The following INTU variants were observed in gnomAD, a reference collection of about 807,000 sequenced individuals.
INTU encodes the protein inturned planar cell polarity protein.
A neutral mutation model predicts 100.5 loss-of-function variants in INTU; 68 were observed. The ratio of observed to expected loss-of-function variants is 0.68; its 90% CI spans 0.56 to 0.83. INTU has a LOEUF of 0.83. Ranked by LOEUF, INTU falls within the 40% of genes least tolerant of loss-of-function variation. INTU has a pLI of 0.00. For missense variants in INTU, 1,071 were observed against 1,114.7 expected, an observed-to-expected ratio of 0.96 and a Z score of 0.56; for synonymous variants, 357 against 395.7, an observed-to-expected ratio of 0.90 and a Z score of 1.16.
At chr4:127,677,094 G>A (rs59214791) in intron 6 of INTU, among the ~76,000 whole-genome samples, 4,859 of 152,252 alleles carry the variant, frequency 0.032, 268 homozygotes, top group African/African-American at 0.11. Context: ...GAAAGCAGCC[G>A]GGAAGCTCGA....
Position 127,643,586 on chromosome 4 carries a change from G to A in INTU, c.212G>A (p.Ser71Asn), listed in dbSNP as rs537026447. ...KNGELFYLEL[S>N]EDEEESLLPE... ...GGAGAGCTGTTTTATTTGGAATTGA[G>A]TGAGGATGAAGAAGAAAGCCTCCTT... is the stretch of plus-strand genomic sequence containing the variant. Residue 71 changes from serine to asparagine, a missense_variant, in exon 2 of 16, where the codon AGT (serine) becomes AAT (asparagine). Coordinates refer to ENST00000335251, the MANE Select transcript of INTU (RefSeq NM_015693.4). The A allele has an allele frequency of 5.6e-6, 9 of 1,612,886 alleles. No homozygotes were observed. Among genetic ancestry groups the A allele is most frequent in the African/African-American group, 1.3e-5 (1 of 74,884 alleles).
chr4:127,651,878 A>G (rs1189902447), intron 2 of INTU, among the ~76,000 whole-genome samples: 1 of 150,956 alleles, frequency 6.6e-6, no homozygotes, highest in Non-Finnish European at 1.5e-5. Context: ...ATTTGTTTGT[A>G]TCCTCTTTTA....
chr4:127,709,176 T>C (rs1297317437), intron 13 of INTU, among the ~76,000 whole-genome samples: 5 of 152,132 alleles, frequency 3.3e-5, no homozygotes, highest in South Asian at 2.1e-4. Flanking sequence ...TAATGACTAA[T>C]AAATAAGTGA....
intron 8 of INTU, among the ~76,000 whole-genome samples, chr4:127,696,124 C>A (rs1293196301): frequency 3.3e-5 from 5 of 151,964 alleles, no homozygotes; most frequent in Admixed American, 2.0e-4. Context: ...AATGTATGTT[C>A]TTGAAAGATA....
chr4:127,695,953 G>T (rs536323492), intron 8 of INTU, among the ~76,000 whole-genome samples: 1 of 152,090 alleles, frequency 6.6e-6, no homozygotes, highest in African/African-American at 2.4e-5. Context: ...ATAGAATCAT[G>T]TGATTTTTTT....
intron 1 of INTU, among the ~76,000 whole-genome samples, chr4:127,642,027 T>TA (rs1234742670): frequency 6.6e-6 from 1 of 151,744 alleles, no homozygotes; most frequent in African/African-American, 2.4e-5. Context: ...TATATATATA[T>TA]TTTTTAAATT....
At chr4:127,680,867 T>C (rs997875390) in intron 6 of INTU, among the ~76,000 whole-genome samples, 56 of 151,952 alleles carry the variant, frequency 3.7e-4, no homozygotes, top group African/African-American at 1.1e-3. Context: ...TGTCTCAGCC[T>C]AAAATCTCCT....
chr4:127,638,296 C>T (rs576865327), intron 1 of INTU, among the ~76,000 whole-genome samples: 13 of 152,172 alleles, frequency 8.5e-5, no homozygotes, highest in Non-Finnish European at 1.3e-4. Context: ...TTGACCACTT[C>T]GGTAAAGTGC....
At chr4:127,701,751 T>C (rs1730660971) in intron 9 of INTU, among the ~76,000 whole-genome samples, 1 of 152,136 alleles carries the variant, frequency 6.6e-6, no homozygotes, top group African/African-American at 2.4e-5. Flanking sequence ...TTTTTGTATA[T>C]GCTAAAATTC....
At chr4:127,657,571 C>T (rs1053159428) in intron 3 of INTU, among the ~76,000 whole-genome samples, 4 of 152,102 alleles carry the variant, frequency 2.6e-5, no homozygotes, top group African/African-American at 9.7e-5. Flanking sequence ...TTTACAGCTG[C>T]TCCCCATCGC....
rs915256682 is a variant in INTU at position 127,719,119 on chromosome 4, T to C, written c.*2683T>C. The C allele has an allele frequency of 1.3e-5, 2 of 152,208 alleles. No individual in the cohort carries two copies. The highest frequency in any genetic ancestry group is 4.8e-5 in the African/African-American group (2 of 41,450). 9.4% of individuals were successfully genotyped at this position (152,208 alleles called of 1,614,324 possible). ...TTCGGTATGATATTGGCTGTGAGTC[T>C]GTCATAAATGGCTCTTATTATTTTG... On this transcript the variant is annotated 3_prime_UTR_variant, in exon 16 of 16. Coordinates refer to ENST00000335251, the MANE Select transcript of INTU (RefSeq NM_015693.4).
chr4:127,665,679 C>T (rs146087076), intron 4 of INTU, among the ~76,000 whole-genome samples: 192 of 152,138 alleles, frequency 1.3e-3, no homozygotes, highest in African/African-American at 4.3e-3. Flanking sequence ...TCTAGTGTTC[C>T]TATTATTCCC....
chr4:127,691,962 G>A (rs185807280), intron 8 of INTU, among the ~76,000 whole-genome samples: 7 of 98,224 alleles, frequency 7.1e-5, no homozygotes, highest in South Asian at 4.0e-4. Flanking sequence ...TCCATGGTAT[G>A]TATATATATA....
Position 127,633,033 on chromosome 4 carries a change from C to T in INTU, c.-2C>T, listed in dbSNP as rs752892193. On this transcript the variant is annotated 5_prime_UTR_variant, in exon 1 of 16. In the 5' UTR this introduces an upstream ATG that the reference lacks. Transcript: ENST00000335251. ...CCACTCGTAGCTATTGCATTCCTGA[C>T]GATGGCCTCTGTGGCTTCGTGCGAT... is the stretch of plus-strand genomic sequence containing the variant. The T allele has an allele frequency of 6.2e-7, 1 of 1,611,746 alleles. No individual in the cohort carries two copies.
At position 127,720,812 on chromosome 4, in the gene INTU, T is replaced by C. The variant is rs2148744609; in HGVS notation, c.*4376T>C. On this transcript the variant is annotated 3_prime_UTR_variant, in exon 16 of 16. Transcript: ENST00000335251. ...ATTGCAGCCTCTCCTTTTTCTGTTT[T>C]CCTTTTGCTTGGTAGATTTTCCTTC... 6.6e-6 allele frequency: 1 copy of C among 152,302 alleles called. No homozygotes were observed. Among genetic ancestry groups the C allele is most frequent in the Middle Eastern group, 3.4e-3 (1 of 294 alleles). The allele number at this position is 152,302 out of a possible 1,614,324, so 9.4% of individuals were successfully genotyped here. A position where few individuals can be genotyped will look rare whatever the true frequency, so the allele number is the denominator to read the frequency against.
intron 8 of INTU, among the ~76,000 whole-genome samples, chr4:127,696,055 T>C (rs2148721224): frequency 6.6e-6 from 1 of 152,320 alleles, no homozygotes; most frequent in African/African-American, 2.4e-5. Flanking sequence ...GGCTGTGGTG[T>C]ATATTTCTTT....
intron 3 of INTU, among the ~76,000 whole-genome samples, chr4:127,657,312 G>A (rs11098933): frequency 0.46 from 69,665 of 151,902 alleles, 16,330 homozygotes; most frequent in South Asian, 0.63. Flanking sequence ...ATGTTTTTCA[G>A]TTATTAGGGG....
intron 6 of INTU, among the ~76,000 whole-genome samples, chr4:127,677,102 C>T (rs1729244198): frequency 6.6e-6 from 1 of 152,178 alleles, no homozygotes; most frequent in South Asian, 2.1e-4. Flanking sequence ...CCGGGAAGCT[C>T]GAACTGGGTG....
chr4:127,659,388 G>A (rs1043444713), intron 3 of INTU, among the ~76,000 whole-genome samples: 4 of 152,166 alleles, frequency 2.6e-5, no homozygotes, highest in South Asian at 2.1e-4. Flanking sequence ...ACAAAATGAA[G>A]CAAATGTGAC....
Sources: allele counts gnomAD v4.1 joint callset (sites outside exome capture counted in the v4.1 genomes callset), GRCh38; gene constraint gnomAD v4.1.1; transcripts MANE v1.5; gene names NCBI Gene and HGNC (gene_info 2026-07-23, HGNC 2026-07-21).